Variants in EPS15 observed in about 807,000 individuals in gnomAD.
EPS15 encodes epidermal growth factor receptor substrate 15.
A neutral mutation model predicts 113.8 loss-of-function variants in EPS15; 72 were observed. The observed-to-expected ratio is 0.63, with a 90% CI of 0.52 to 0.77. EPS15 has a LOEUF of 0.77. Among genes scored for constraint, EPS15 ranks in the 30% least tolerant of loss-of-function variants. EPS15 has a pLI of 0.00. For synonymous variants in EPS15, 344 were observed against 363.4 expected, an observed-to-expected ratio of 0.95 and a Z score of 0.61; for missense variants, 1,048 against 1,045.8, an observed-to-expected ratio of 1.00 and a Z score of -0.03.
chr1:51,463,943 T>C (rs1185880527), intron 6 of EPS15, 145 bp from the exon 7 acceptor site: 1 of 461,956 alleles, frequency 2.2e-6, no homozygotes, highest in East Asian at 3.3e-5. Context: ...CAAAATATAA[T>C]ATTCATTGTA....
At chr1:51,372,616 A>C (rs1427322566) in intron 21 of EPS15, 2 of 498,602 alleles carry the variant, frequency 4.0e-6, no homozygotes, top group African/African-American at 3.9e-5. Context: ...AACCTAACTC[A>C]GTATTGGTAT....
intron 13 of EPS15, among the ~76,000 whole-genome samples, chr1:51,412,221 A>G (rs1649791362): frequency 6.6e-6 from 1 of 152,164 alleles, no homozygotes; most frequent in Non-Finnish European, 1.5e-5. Flanking sequence ...GGTGGGGGAC[A>G]AGGGGAGGCA....
intron 2 of EPS15, 87 bp downstream of exon 2, chr1:51,481,182 TCGAG>T: frequency 1.3e-6 from 1 of 749,410 alleles, no homozygotes; most frequent in East Asian, 2.6e-5. Flanking sequence ...ATCAAATTTA[TCGAG>T]CTAGCTGGTA....
chr1:51,463,644 A>T, intron 7 of EPS15, 29 bp downstream of exon 7: 1 of 1,404,258 alleles, frequency 7.1e-7, no homozygotes. Context: ...ATACATAAAA[A>T]TTACATTTCG....
chr1:51,479,130 A>G (rs1184491432), intron 2 of EPS15, among the ~76,000 whole-genome samples: 1 of 152,120 alleles, frequency 6.6e-6, no homozygotes, highest in Non-Finnish European at 1.5e-5. Context: ...ACATAGTCCC[A>G]TATTTCTTGG....
intron 4 of EPS15, among the ~76,000 whole-genome samples, chr1:51,469,866 C>G (rs565333450): frequency 1.3e-5 from 2 of 151,238 alleles, no homozygotes; most frequent in African/African-American, 2.4e-5. Context: ...AATAGAATAG[C>G]CTTAAAAAAA....
At chr1:51,374,044 G>C (rs984309874) in intron 21 of EPS15, among the ~76,000 whole-genome samples, 5 of 152,170 alleles carry the variant, frequency 3.3e-5, no homozygotes, top group Admixed American at 3.3e-4. Context: ...GAAAGCAGAG[G>C]CTAAGTAAAT....
intron 13 of EPS15, among the ~76,000 whole-genome samples, chr1:51,419,875 A>G (rs925843156): frequency 6.6e-6 from 1 of 152,128 alleles, no homozygotes; most frequent in African/African-American, 2.4e-5. Context: ...GATCACTAAT[A>G]TAAGAGTTTT....
chr1:51,517,153 T>G (rs999851282), intron 1 of EPS15, among the ~76,000 whole-genome samples: 2 of 152,216 alleles, frequency 1.3e-5, no homozygotes, highest in Non-Finnish European at 2.9e-5. Flanking sequence ...ACTGGAAATG[T>G]TATTTTTTCG....
intron 12 of EPS15, chr1:51,422,069 T>G (rs1650810992): frequency 2.5e-6 from 3 of 1,211,686 alleles, no homozygotes; most frequent in Non-Finnish European, 3.1e-6. Context: ...GCTTTCTCAC[T>G]AAAATGTGGT....
At chr1:51,377,673 GT>G (rs1557779501) in intron 21 of EPS15, among the ~76,000 whole-genome samples, 1 of 152,190 alleles carries the variant, frequency 6.6e-6, no homozygotes, top group Non-Finnish European at 1.5e-5. Context: ...ACTATCTTGT[GT>G]GGGTAAAAGG....
chr1:51,354,728 T>C lies in EPS15; in HGVS notation c.*1972A>G, dbSNP rs977387070. On this transcript the variant is annotated 3_prime_UTR_variant, in exon 25 of 25. Coordinates refer to ENST00000371733, the MANE Select transcript of EPS15 (RefSeq NM_001981.3). Reference sequence around the variant, plus strand: ...TATATAATATATACATACTTTAATATTATGTTGGTCCACGGGGTATACACA... The same window carrying C: ...TATATAATATATACATACTTTAATACTATGTTGGTCCACGGGGTATACACA... 1 of 185,296 alleles carries C rather than the reference T, an allele frequency of 5.4e-6. No homozygotes were observed. The highest frequency in any genetic ancestry group is 1.1e-5 in the Non-Finnish European group (1 of 87,368). 11.5% of individuals were successfully genotyped at this position (185,296 alleles called of 1,614,324 possible).
chr1:51,404,585 A>G (rs1354925678), intron 16 of EPS15, among the ~76,000 whole-genome samples: 1 of 152,196 alleles, frequency 6.6e-6, no homozygotes, highest in Non-Finnish European at 1.5e-5. Context: ...TTCTACGGGT[A>G]CAGTCTCACT....
intron 12 of EPS15, among the ~76,000 whole-genome samples, chr1:51,429,416 C>T (rs1557460683): frequency 6.7e-6 from 1 of 150,228 alleles, no homozygotes; most frequent in East Asian, 1.9e-4. Context: ...CTGAATTGTA[C>T]ACTTTAAGTA....
chr1:51,396,025 G>T (rs1647901475), intron 20 of EPS15, among the ~76,000 whole-genome samples: 1 of 152,136 alleles, frequency 6.6e-6, no homozygotes, highest in East Asian at 1.9e-4. Context: ...CTTTATAAAA[G>T]AGAGTCCATT....
intron 1 of EPS15, among the ~76,000 whole-genome samples, chr1:51,503,273 G>C (rs1644444035): frequency 6.6e-6 from 1 of 152,198 alleles, no homozygotes; most frequent in African/African-American, 2.4e-5. Flanking sequence ...TGTAGAAACT[G>C]GCAAGCTGAT....
At chr1:51,379,156 G>A (rs1239358175) in intron 21 of EPS15, among the ~76,000 whole-genome samples, 4 of 152,192 alleles carry the variant, frequency 2.6e-5, no homozygotes, top group African/African-American at 9.7e-5. Flanking sequence ...GTCTCGTTCT[G>A]TCACCCAGTC....
intron 2 of EPS15, among the ~76,000 whole-genome samples, chr1:51,476,054 A>C (rs1324501729): frequency 6.6e-6 from 1 of 152,164 alleles, no homozygotes; most frequent in Non-Finnish European, 1.5e-5. Context: ...CTGTTTTGGT[A>C]CTAGTCCCAT....
At chr1:51,406,652 A>G (rs1649162751) in intron 15 of EPS15, among the ~76,000 whole-genome samples, 1 of 152,168 alleles carries the variant, frequency 6.6e-6, no homozygotes, top group Admixed American at 6.5e-5. Context: ...AAGAGATTCA[A>G]AAAAAGAAAA....
Sources: allele counts gnomAD v4.1 joint callset (sites outside exome capture counted in the v4.1 genomes callset), GRCh38; gene constraint gnomAD v4.1.1; transcripts MANE v1.5; gene names NCBI Gene and HGNC (gene_info 2026-07-23, HGNC 2026-07-21).